The following ADAMTS3 variants were observed in gnomAD, a reference collection of about 807,000 sequenced individuals.
ADAMTS3 encodes A disintegrin and metalloproteinase with thrombospondin motifs 3.
Under a neutral mutation model 129.0 loss-of-function variants are expected in ADAMTS3, and 73 were observed. The observed-to-expected ratio is 0.57, with a 90% CI of 0.47 to 0.69. The LOEUF (loss-of-function observed/expected upper bound fraction) is 0.69. ADAMTS3 is among the 30% of genes least tolerant of loss of function. ADAMTS3 has a pLI of 0.00. For missense variants in ADAMTS3, 1,457 were observed against 1,514.5 expected (o/e 0.96, Z 0.63); for synonymous variants, 477 against 510.8 (o/e 0.93, Z 0.89).
intron 4 of ADAMTS3, among the ~76,000 whole-genome samples, chr4:72,379,618 A>G (rs1721227645): frequency 6.6e-6 from 1 of 152,126 alleles, no homozygotes; most frequent in Admixed American, 6.5e-5. Flanking sequence ...AATCATAAAT[A>G]TTGGATTCAA....
chr4:72,343,276 A>T lies in ADAMTS3; in HGVS notation c.662-3583T>A, dbSNP rs576873530. 4.1e-4 allele frequency among the ~76,000 whole-genome samples: 62 copies of T among 152,244 alleles called. 1 individual carries two copies. The South Asian group carries it at 0.013, about 32-fold the overall frequency. ...GGAAGATGGAGCTGCCATGTTGGAC[A>T]TGCCTAGCCCCCAGGTACCCCCTTT... On this transcript the variant is annotated intron_variant, in intron 4 of 21. Transcript: ENST00000286657.
Position 72,283,556 on chromosome 4 carries a change from A to G in ADAMTS3, c.3198T>C (p.Ala1066=), listed in dbSNP as rs1001517258. The change falls in exon 22 of 22, where the codon GCT becomes GCC. Residue 1066 remains alanine (A), a synonymous_variant. Coordinates refer to ENST00000286657, the MANE Select transcript of ADAMTS3 (RefSeq NM_014243.3). ...TLPPPYLLEA[A]ETHDDVISNP... ...TAGAGATGACATCATCATGAGTTTC[A>G]GCAGCTTCTAGAAGGTATGGTGGTG... is the stretch of plus-strand genomic sequence containing the variant. 6.2e-7 allele frequency: 1 copy of G among 1,613,922 alleles called. No individual in the cohort carries two copies. Among genetic ancestry groups the G allele is most frequent in the African/African-American group, 1.3e-5 (1 of 74,910 alleles).
intron 2 of ADAMTS3, among the ~76,000 whole-genome samples, chr4:72,566,336 A>G (rs1560570331): frequency 6.6e-6 from 1 of 152,200 alleles, no homozygotes; most frequent in Admixed American, 6.5e-5. Flanking sequence ...ACAGGTAGCT[A>G]TGCAACCTCT....
intron 3 of ADAMTS3, among the ~76,000 whole-genome samples, chr4:72,532,099 GCTAGAAAAAACCAGTATC>G (rs1265055856): frequency 1.3e-5 from 2 of 151,536 alleles, no homozygotes; most frequent in Non-Finnish European, 2.9e-5. Flanking sequence ...AAGGAAGTCA[GCTAGAAAAAACCAGTATC>G]CAGTACCATT....
At position 72,313,694 on chromosome 4, in the gene ADAMTS3, G is replaced by A. The variant is rs1162084651; in HGVS notation, c.1728C>T (p.Arg576=). The A allele has an allele frequency of 6.2e-7, 1 of 1,613,372 alleles. No individual in the cohort carries two copies. Among genetic ancestry groups the A allele is most frequent in the African/African-American group, 1.3e-5 (1 of 74,850 alleles). ...ATACTCACATGGGATTATTGCACTG[G>A]CGTGTTCTGAAACGAACACCAGTTC... ...TCGTGVRFRT[R]QCNNPMPING... The change falls in exon 12 of 22, where the codon CGC becomes CGT. Residue 576 remains arginine (R), a synonymous_variant. Coordinates refer to ENST00000286657, the MANE Select transcript of ADAMTS3 (RefSeq NM_014243.3).
chr4:72,537,908 T>C (rs1721222175), intron 3 of ADAMTS3, among the ~76,000 whole-genome samples: 1 of 152,088 alleles, frequency 6.6e-6, no homozygotes, highest in South Asian at 2.1e-4. Flanking sequence ...AAGAAAGAGA[T>C]ATAGGTAAAG....
intron 2 of ADAMTS3, among the ~76,000 whole-genome samples, chr4:72,549,580 C>T (rs1252845015): frequency 1.3e-5 from 2 of 152,022 alleles, no homozygotes; most frequent in Admixed American, 6.6e-5. Context: ...CATAAACCTC[C>T]ATTTTTAGAA....
chr4:72,343,930 T>C (rs1403853194), intron 4 of ADAMTS3, among the ~76,000 whole-genome samples: 1 of 152,160 alleles, frequency 6.6e-6, no homozygotes. Flanking sequence ...ATGTACGTTT[T>C]TGAAGGTTAC....
chr4:72,364,067 A>G lies in ADAMTS3; in HGVS notation c.662-24374T>C, dbSNP rs1233799901. ...GCATAAGTAGAATTAGCCCATCACA[A>G]TAAAATATTAGCAAGGGCATGAAAA... On this transcript the variant is annotated intron_variant, in intron 4 of 21. Coordinates refer to ENST00000286657, the MANE Select transcript of ADAMTS3 (RefSeq NM_014243.3). Among the ~76,000 whole-genome samples the G allele has an allele frequency of 3.9e-4, 60 of 152,180 alleles. 1 individual carries two copies. The highest frequency in any genetic ancestry group is 3.9e-3 in the Admixed American group (60 of 15,272).
At chr4:72,306,349 A>G (rs1376808580) in intron 15 of ADAMTS3, among the ~76,000 whole-genome samples, 1 of 152,000 alleles carries the variant, frequency 6.6e-6, no homozygotes, top group African/African-American at 2.4e-5. Flanking sequence ...GATGTGAACA[A>G]CAATTCAGGC....
intron 4 of ADAMTS3, among the ~76,000 whole-genome samples, chr4:72,360,604 C>T (rs1560486206): frequency 6.6e-6 from 1 of 151,830 alleles, no homozygotes; most frequent in Non-Finnish European, 1.5e-5. Context: ...CCAGTGATTT[C>T]TGTGTTATGG....
chr4:72,440,826 C>T (rs949269883), intron 3 of ADAMTS3, among the ~76,000 whole-genome samples: 1 of 151,660 alleles, frequency 6.6e-6, no homozygotes, highest in Non-Finnish European at 1.5e-5. Flanking sequence ...TGAAATACAC[C>T]TATTCAATTT....
At chr4:72,485,853 C>T (rs1490129154) in intron 3 of ADAMTS3, among the ~76,000 whole-genome samples, 1 of 152,076 alleles carries the variant, frequency 6.6e-6, no homozygotes, top group African/African-American at 2.4e-5. Context: ...GATTAGTGCC[C>T]TTATAAAAGA....
intron 4 of ADAMTS3, among the ~76,000 whole-genome samples, chr4:72,363,466 T>G (rs559028110): frequency 6.6e-6 from 1 of 152,214 alleles, no homozygotes; most frequent in South Asian, 2.1e-4. Flanking sequence ...CCTCCCTGAA[T>G]GAATGTAGAA....
chr4:72,306,168 G>GC, intron 15 of ADAMTS3, 101 bp from the exon 16 acceptor site: 8 of 741,160 alleles, frequency 1.1e-5, no homozygotes, highest in Non-Finnish European at 1.7e-5. Flanking sequence ...GCGTGCAGAA[G>GC]AGGGCATCCA....
At chr4:72,406,066 G>A (rs1428284168) in intron 4 of ADAMTS3, among the ~76,000 whole-genome samples, 1 of 152,084 alleles carries the variant, frequency 6.6e-6, no homozygotes, top group African/African-American at 2.4e-5. Flanking sequence ...GTCTCCTGGG[G>A]AGCCTGTGAG....
chr4:72,518,790 C>T (rs1312503432), intron 3 of ADAMTS3, among the ~76,000 whole-genome samples: 6 of 149,624 alleles, frequency 4.0e-5, no homozygotes, highest in African/African-American at 7.3e-5. Context: ...ACTCTTTATC[C>T]AATTTGCCAG....
At chr4:72,340,412 T>C (rs1419113217) in intron 4 of ADAMTS3, among the ~76,000 whole-genome samples, 1 of 151,844 alleles carries the variant, frequency 6.6e-6, no homozygotes, top group African/African-American at 2.4e-5. Context: ...CAATAAAATA[T>C]ACATATATGT....
intron 10 of ADAMTS3, among the ~76,000 whole-genome samples, chr4:72,316,906 T>C (rs933772528): frequency 1.3e-5 from 2 of 152,100 alleles, no homozygotes; most frequent in African/African-American, 4.8e-5. Flanking sequence ...GCTATAGTTA[T>C]GGTTATAAGT....
Sources: allele counts gnomAD v4.1 joint callset (sites outside exome capture counted in the v4.1 genomes callset), GRCh38; gene constraint gnomAD v4.1.1; transcripts MANE v1.5; gene names NCBI Gene and HGNC (gene_info 2026-07-23, HGNC 2026-07-21).